The following DHX36 variants were observed in gnomAD, a reference collection of about 807,000 sequenced individuals.
DHX36 encodes ATP-dependent DNA/RNA helicase DHX36.
In DHX36, 50 loss-of-function variants were observed where a neutral mutation model predicts 139.0. The observed-to-expected ratio is 0.36, with a 90% CI of 0.29 to 0.46. The LOEUF (loss-of-function observed/expected upper bound fraction) is 0.46. Ranked by LOEUF, DHX36 falls within the 20% of genes least tolerant of loss-of-function variation. The probability of loss-of-function intolerance (pLI) is 1.00; values close to 1 mark genes in which losing one functional copy is unlikely to be tolerated. For synonymous variants in DHX36, 425 were observed against 401.9 expected (o/e 1.06, Z -0.69); for missense variants, 1,024 against 1,211.3 (o/e 0.85, Z 2.29).
chr3:154,320,250 C>T (rs1713138395), intron 1 of DHX36, among the ~76,000 whole-genome samples: 1 of 152,182 alleles, frequency 6.6e-6, no homozygotes, highest in Non-Finnish European at 1.5e-5. Flanking sequence ...TTCTTTTCCT[C>T]AGCCTGTCCT....
At chr3:154,295,458 G>C in intron 12 of DHX36, 119 bp from the exon 13 acceptor site, 1 of 462,034 alleles carries the variant, frequency 2.2e-6, no homozygotes, top group Non-Finnish European at 3.9e-6. Context: ...ATAAGACATT[G>C]AACATTATTT....
intron 1 of DHX36, 44 bp from the exon 2 acceptor site, chr3:154,316,207 G>A: frequency 6.2e-7 from 1 of 1,605,110 alleles, no homozygotes; most frequent in South Asian, 1.1e-5. Context: ...ACATAAGAAA[G>A]CATATGCAAA....
In DHX36 at chr3:154,315,175, C is replaced by T. The variant is rs1173601362; in HGVS notation, c.474G>A (p.Arg158=). The T allele has an allele frequency of 1.2e-6, 2 of 1,613,060 alleles. No homozygotes were observed. The highest frequency in any genetic ancestry group is 1.7e-5 in the Admixed American group (1 of 59,942). ...AATCTCGGTCAATATATGATCTGTTCCTGATTCTAAACATTTTTTTTTCTT... is the reference window on the plus strand; with the variant it reads ...AATCTCGGTCAATATATGATCTGTTTCTGATTCTAAACATTTTTTTTTCTT... ...INQEKKMFRI[R]NRSYIDRDSE... is the part of the protein sequence containing the mutation. The change falls in exon 3 of 25, where the codon AGG becomes AGA. Residue 158 remains arginine (R), a synonymous_variant. Transcript: ENST00000496811.
intron 2 of DHX36, among the ~76,000 whole-genome samples, chr3:154,315,576 T>C (rs922770025): frequency 1.3e-5 from 2 of 152,158 alleles, no homozygotes; most frequent in Non-Finnish European, 2.9e-5. Context: ...TCTCTTTTTC[T>C]GGATTTCTCG....
Position 154,274,284 on chromosome 3 carries a change from G to T in DHX36, c.*1887C>A, listed in dbSNP as rs960371917. The T allele has an allele frequency of 4.7e-5, 8 of 169,340 alleles. No individual in the cohort carries two copies. In the East Asian group the frequency reaches 1.0e-3, roughly 22 times the overall value. 10.5% of individuals were successfully genotyped at this position (169,340 alleles called of 1,614,324 possible). ...GATCACACCACTGCACTCCAGCCTG[G>T]GTGACAGGGCAAGACACTGTCTCCA... On this transcript the variant is annotated 3_prime_UTR_variant, in exon 25 of 25. Coordinates refer to ENST00000496811, the MANE Select transcript of DHX36 (RefSeq NM_020865.3).
At chr3:154,306,124 C>T (rs1712491878) in intron 6 of DHX36, 92 bp downstream of exon 6, 1 of 955,978 alleles carries the variant, frequency 1.0e-6, no homozygotes, top group Non-Finnish European at 1.6e-6. Context: ...TAATAACCAT[C>T]ATAAAAATGG....
At chr3:154,315,327 A>C (rs1343860228) in intron 2 of DHX36, 47 bp from the exon 3 acceptor site, 5 of 1,354,796 alleles carry the variant, frequency 3.7e-6, no homozygotes, top group Non-Finnish European at 5.2e-6. Flanking sequence ...TGAGCCACTC[A>C]AACACTGGAA....
intron 5 of DHX36, among the ~76,000 whole-genome samples, chr3:154,307,858 AC>A (rs879074726): frequency 6.6e-6 from 1 of 152,144 alleles, no homozygotes; most frequent in Non-Finnish European, 1.5e-5. Context: ...CAGTAAAGAT[AC>A]GGAATCAATC....
In DHX36 at chr3:154,309,803, A is replaced by G. The variant is rs1455905643; in HGVS notation, c.663T>C (p.Asp221=). The G allele has an allele frequency of 1.2e-6, 2 of 1,602,130 alleles. No homozygotes were observed. The highest frequency in any genetic ancestry group is 1.7e-6 in the Non-Finnish European group (2 of 1,175,506). The change falls in exon 5 of 25, where the codon GAT becomes GAC. Residue 221 remains aspartate (D), a synonymous_variant. Coordinates refer to ENST00000496811, the MANE Select transcript of DHX36 (RefSeq NM_020865.3). ...CACTTATTACTGTTACCTGATGGTT[A>G]TCAATTAAATTTACCAATTCCTATT... ...GMQKELVNLI[D]NHQVTVISGE...
chr3:154,290,961 C>T (rs368660971), intron 15 of DHX36, among the ~76,000 whole-genome samples: 10 of 150,342 alleles, frequency 6.7e-5, no homozygotes, highest in Non-Finnish European at 1.0e-4. Context: ...GGTGAAACCC[C>T]GTCTCTACTA....
At chr3:154,285,113 G>T in intron 17 of DHX36, 126 bp from the exon 18 acceptor site, 1 of 980,958 alleles carries the variant, frequency 1.0e-6, no homozygotes, top group Non-Finnish European at 1.5e-6. Context: ...CCCAAATATT[G>T]TTCAGCTTTA....
chr3:154,315,299 AAAGG>A lies in DHX36; in HGVS notation c.369-23_369-20del. ...ACCGTATCTGTTTTGACAAAATAAG[AAAGG>A]AAGAAAGGTCAGATGAGCCACTCAA... On this transcript the variant is annotated intron_variant, in intron 2 of 24. Transcript: ENST00000496811. 6.4e-7 allele frequency: 1 copy of A among 1,573,458 alleles called. No individual in the cohort carries two copies. The highest frequency in any genetic ancestry group is 2.2e-5 in the East Asian group (1 of 44,564).
intron 15 of DHX36, among the ~76,000 whole-genome samples, chr3:154,290,834 A>G (rs1405045278): frequency 1.3e-5 from 2 of 151,880 alleles, no homozygotes; most frequent in Non-Finnish European, 2.9e-5. Flanking sequence ...AGAAACTAAA[A>G]TAAGAGTACC....
chr3:154,297,450 C>G (rs537238407), intron 12 of DHX36, among the ~76,000 whole-genome samples: 4 of 152,282 alleles, frequency 2.6e-5, no homozygotes, highest in African/African-American at 4.8e-5. Flanking sequence ...CAGTGGCTCA[C>G]GCCCGCAATC....
rs768175009 is a variant in DHX36, at chr3:154,301,004, T to C, written c.1341A>G (p.Val447=). ...AAACTTACCTTCTTCGCAGTTCCCT[T>C]ACATAATCTGGCCAACGTTCTTTAT... ...AIYKERWPDY[V]RELRRRYSAS... The change falls in exon 10 of 25, where the codon GTA becomes GTG. Residue 447 remains valine, a synonymous_variant. Coordinates refer to ENST00000496811, the MANE Select transcript of DHX36 (RefSeq NM_020865.3). 2 of 1,612,292 alleles carry C rather than the reference T, an allele frequency of 1.2e-6. No homozygotes were observed. The highest frequency in any genetic ancestry group is 2.7e-5 in the African/African-American group (2 of 74,904).
rs1310086985 is a variant in DHX36, at chr3:154,310,727, C to T, written c.643-904G>A. Among the ~76,000 whole-genome samples, 7 of 129,146 alleles carry T rather than the reference C, an allele frequency of 5.4e-5. 1 individual carries two copies. The South Asian group carries it at 8.4e-4, about 16-fold the overall frequency. 84.7% of individuals were successfully genotyped at this position (129,146 alleles called of 152,430 possible). Reference sequence around the variant, plus strand: ...CGAGAGTCGGGAGTTTGCAGTAAGCCGAGATTGCGCCACTGCACTCCAGCC... The same window carrying T: ...CGAGAGTCGGGAGTTTGCAGTAAGCTGAGATTGCGCCACTGCACTCCAGCC... On this transcript the variant is annotated intron_variant, in intron 4 of 24. Coordinates refer to ENST00000496811, the MANE Select transcript of DHX36 (RefSeq NM_020865.3).
chr3:154,284,241 A>G lies in DHX36; in HGVS notation c.2292+342T>C, dbSNP rs953373359. On this transcript the variant is annotated intron_variant, in intron 19 of 24. Coordinates refer to ENST00000496811, the MANE Select transcript of DHX36 (RefSeq NM_020865.3). ...ATCGCCCAGGCTGAAGTGCAGTGGC[A>G]TGATTTCAGCTCACTGCAACCACCG... 1.5e-4 allele frequency among the ~76,000 whole-genome samples: 23 copies of G among 152,166 alleles called. 1 individual carries two copies. Among genetic ancestry groups the G allele is most frequent in the African/African-American group, 5.3e-4 (22 of 41,458 alleles).
intron 12 of DHX36, among the ~76,000 whole-genome samples, chr3:154,299,164 T>C (rs1712161861): frequency 6.6e-6 from 1 of 151,432 alleles, no homozygotes; most frequent in Non-Finnish European, 1.5e-5. Context: ...TCCCAGCTAC[T>C]CTGGAGACTG....
chr3:154,281,303 C>T lies in DHX36; in HGVS notation c.2377-441G>A, dbSNP rs569609788. Reference sequence around the variant, plus strand: ...AGAAAAGCATAAAGAAAATAATCCACATCCATATTTCTATTACTGAGAATT... The same window carrying T: ...AGAAAAGCATAAAGAAAATAATCCATATCCATATTTCTATTACTGAGAATT... On this transcript the variant is annotated intron_variant, in intron 20 of 24. Transcript: ENST00000496811. Among the ~76,000 whole-genome samples, 5 of 152,010 alleles carry T rather than the reference C, an allele frequency of 3.3e-5. No homozygotes were observed. In the East Asian group the frequency reaches 9.7e-4, roughly 29 times the overall value.
Sources: allele counts gnomAD v4.1 joint callset (sites outside exome capture counted in the v4.1 genomes callset), GRCh38; gene constraint gnomAD v4.1.1; transcripts MANE v1.5; gene names NCBI Gene and HGNC (gene_info 2026-07-23, HGNC 2026-07-21).